The following CCSER2 variants were observed in gnomAD, a reference collection of about 807,000 sequenced individuals.
CCSER2 encodes the protein coiled-coil serine rich protein 2, also known as serine-rich coiled-coil domain-containing protein 2.
In CCSER2, 46 loss-of-function variants were observed where a neutral mutation model predicts 92.3. The ratio of observed to expected loss-of-function variants is 0.50; its 90% CI spans 0.39 to 0.64. The LOEUF (loss-of-function observed/expected upper bound fraction) is 0.64, where lower values mean the gene tolerates loss of function less well. Ranked by LOEUF, CCSER2 falls within the 30% of genes least tolerant of loss-of-function variation. The pLI is 0.00. For missense variants in CCSER2, 1,244 were observed against 1,238.9 expected, an observed-to-expected ratio of 1.00 and a Z score of -0.06; for synonymous variants, 433 against 431.4, an observed-to-expected ratio of 1.00 and a Z score of -0.04.
chr10:84,376,075 G>A (rs1301758936), intron 3 of CCSER2, among the ~76,000 whole-genome samples: 3 of 151,866 alleles, frequency 2.0e-5, no homozygotes, highest in Non-Finnish European at 4.4e-5. Context: ...TGTTTTTGTA[G>A]TAAGTCTTCC....
intron 3 of CCSER2, chr10:84,393,957 T>A (rs917551017): frequency 6.6e-6 from 1 of 152,170 alleles, no homozygotes; most frequent in African/African-American, 2.4e-5. Context: ...GCTTTGACAT[T>A]GAGTTACAAA....
chr10:84,365,643 A>T (rs1279089391), intron 1 of CCSER2, among the ~76,000 whole-genome samples: 1 of 152,182 alleles, frequency 6.6e-6, no homozygotes, highest in Non-Finnish European at 1.5e-5. Flanking sequence ...CACCAGTAAC[A>T]GTGTGTCTCT....
intron 6 of CCSER2, chr10:84,455,228 C>T: frequency 5.5e-6 from 1 of 182,768 alleles, no homozygotes. Flanking sequence ...CCAGGTAATC[C>T]CTCCCACCTT....
At chr10:84,414,029 C>T (rs1350860065) in intron 3 of CCSER2, among the ~76,000 whole-genome samples, 3 of 151,974 alleles carry the variant, frequency 2.0e-5, no homozygotes, top group Non-Finnish European at 4.4e-5. Context: ...TTATTTTGAG[C>T]CTATGTGTGT....
At chr10:84,383,061 A>G (rs1434355788) in intron 3 of CCSER2, among the ~76,000 whole-genome samples, 1 of 152,190 alleles carries the variant, frequency 6.6e-6, no homozygotes, top group East Asian at 1.9e-4. Context: ...TATTCTTAGC[A>G]GTGTTTGCGT....
chr10:84,422,147 G>GA (rs1843182976), intron 4 of CCSER2, among the ~76,000 whole-genome samples: 1 of 152,188 alleles, frequency 6.6e-6, no homozygotes, highest in Non-Finnish European at 1.5e-5. Flanking sequence ...TTTGCAGAAG[G>GA]AAGAAGGGCA....
intron 6 of CCSER2, among the ~76,000 whole-genome samples, chr10:84,457,654 T>C (rs1396876255): frequency 9.6e-6 from 1 of 104,004 alleles, no homozygotes; most frequent in Non-Finnish European, 1.9e-5. Flanking sequence ...TATATAATTA[T>C]ATTATTTTTA....
chr10:84,357,740 G>A (rs1040775250), intron 1 of CCSER2, among the ~76,000 whole-genome samples: 3 of 152,144 alleles, frequency 2.0e-5, no homozygotes, highest in African/African-American at 2.4e-5. Flanking sequence ...GTGAGCCACC[G>A]CGCTCGGCCA....
chr10:84,371,913 G>A lies in CCSER2; in HGVS notation c.861G>A (p.Gly287=). The A allele has an allele frequency of 6.2e-7, 1 of 1,613,892 alleles. No homozygotes were observed. Among genetic ancestry groups the A allele is most frequent in the Non-Finnish European group, 8.5e-7 (1 of 1,179,856 alleles). The change falls in exon 2 of 10, where the codon GGG becomes GGA. Residue 287 remains glycine (G), a synonymous_variant. Coordinates refer to ENST00000372088, the MANE Select transcript of CCSER2 (RefSeq NM_001284240.2). ...PEVLNGNEHL[G]YGFNRPYAAG... is the part of the protein sequence containing the mutation. Reference sequence around the variant, plus strand: ...TACTCAATGGGAATGAACATTTGGGGTATGGATTTAATAGGCCTTATGCTG... The same window carrying A: ...TACTCAATGGGAATGAACATTTGGGATATGGATTTAATAGGCCTTATGCTG...
chr10:84,423,064 A>T (rs1454925300), intron 4 of CCSER2, among the ~76,000 whole-genome samples: 1 of 152,176 alleles, frequency 6.6e-6, no homozygotes, highest in South Asian at 2.1e-4. Flanking sequence ...CAAAAAAAAA[A>T]AAAAAATTGT....
chr10:84,461,443 A>G (rs1846094033), intron 6 of CCSER2, among the ~76,000 whole-genome samples: 1 of 152,078 alleles, frequency 6.6e-6, no homozygotes, highest in African/African-American at 2.4e-5. Flanking sequence ...CTCTTTTATT[A>G]CTGTCCGCAT....
intron 9 of CCSER2, among the ~76,000 whole-genome samples, chr10:84,492,935 G>A (rs1848252570): frequency 6.6e-6 from 1 of 152,048 alleles, no homozygotes; most frequent in Admixed American, 6.5e-5. Context: ...TTGTTGTACT[G>A]TCTTTGTCTG....
chr10:84,441,736 G>GTTTTTTTTTTTTTTTTTTTTT (rs869280119), intron 6 of CCSER2, among the ~76,000 whole-genome samples: 2 of 43,646 alleles, frequency 4.6e-5, no homozygotes, highest in Non-Finnish European at 4.8e-5. Context: ...CTGGGAAAAT[G>GTTTTTTTTTTTTTTTTTTTTT]TTTTTTTTTT....
At chr10:84,365,708 G>C (rs1845742518) in intron 1 of CCSER2, among the ~76,000 whole-genome samples, 1 of 152,272 alleles carries the variant, frequency 6.6e-6, no homozygotes, top group African/African-American at 2.4e-5. Context: ...GCTCTTGGGA[G>C]ATAACATGTA....
intron 3 of CCSER2, among the ~76,000 whole-genome samples, chr10:84,390,162 T>G (rs1053111338): frequency 2.8e-4 from 43 of 152,328 alleles, no homozygotes; most frequent in African/African-American, 1.0e-3. Context: ...TTCAAACTAA[T>G]ACCACCAATT....
chr10:84,492,958 G>A (rs1848253229), intron 9 of CCSER2, among the ~76,000 whole-genome samples: 1 of 152,072 alleles, frequency 6.6e-6, no homozygotes, highest in Non-Finnish European at 1.5e-5. Flanking sequence ...TTTGTATTAA[G>A]TTAAACCTGG....
At chr10:84,482,193 G>T (rs1589779846) in intron 9 of CCSER2, among the ~76,000 whole-genome samples, 2 of 152,110 alleles carry the variant, frequency 1.3e-5, no homozygotes, top group Admixed American at 1.3e-4. Context: ...AGGGAAAAGA[G>T]ATAAGAATGA....
chr10:84,419,622 A>G (rs531311368), intron 4 of CCSER2, among the ~76,000 whole-genome samples: 2 of 152,316 alleles, frequency 1.3e-5, no homozygotes, highest in Admixed American at 6.5e-5. Flanking sequence ...GAGACAGAGA[A>G]TGTTACACCT....
chr10:84,448,454 C>T (rs1845064388), intron 6 of CCSER2, among the ~76,000 whole-genome samples: 2 of 152,110 alleles, frequency 1.3e-5, no homozygotes, highest in Admixed American at 1.3e-4. Flanking sequence ...CATGCTCTTT[C>T]AACCTACTTA....
Sources: allele counts gnomAD v4.1 joint callset (sites outside exome capture counted in the v4.1 genomes callset), GRCh38; gene constraint gnomAD v4.1.1; transcripts MANE v1.5; gene names NCBI Gene and HGNC (gene_info 2026-07-23, HGNC 2026-07-21).